Variants in TBCK observed in about 807,000 individuals in gnomAD.
TBCK encodes TBC1 domain containing kinase.
A neutral mutation model predicts 113.4 loss-of-function variants in TBCK; 99 were observed. The ratio of observed to expected loss-of-function variants is 0.87; its 90% CI spans 0.74 to 1.03. The LOEUF (loss-of-function observed/expected upper bound fraction) is 1.03, where lower values mean the gene tolerates loss of function less well. Among genes scored for constraint, TBCK ranks in the 50% least tolerant of loss-of-function variants. The pLI, the probability that TBCK is intolerant of heterozygous loss-of-function variation, is 0.00. For missense variants in TBCK, 1,045 were observed against 1,061.3 expected (o/e 0.98, Z 0.21); for synonymous variants, 369 against 370.8 (o/e 1.00, Z 0.05).
rs867465138 is a variant in TBCK, at chr4:106,167,499, T to C, written c.2235+3596A>G. ...CTAGAAAAAGAACAGCAAATTAAGTTCAAAGTGAGTAGAAGAAAAATAAAA... is the reference window on the plus strand; with the variant it reads ...CTAGAAAAAGAACAGCAAATTAAGTCCAAAGTGAGTAGAAGAAAAATAAAA... On this transcript the variant is annotated intron_variant, in intron 23 of 25. Coordinates refer to ENST00000394708, the MANE Select transcript of TBCK (RefSeq NM_001163435.3). Among the ~76,000 whole-genome samples the C allele has an allele frequency of 1.9e-4, 28 of 150,858 alleles. 1 individual carries two copies. The highest frequency in any genetic ancestry group is 8.9e-5 in the Non-Finnish European group (6 of 67,462).
chr4:106,259,854 A>G (rs1579427833), intron 5 of TBCK, among the ~76,000 whole-genome samples: 1 of 151,974 alleles, frequency 6.6e-6, no homozygotes, highest in African/African-American at 2.4e-5. Flanking sequence ...CTACTTGAAT[A>G]TGCATGAAAC....
At chr4:106,210,350 A>C (rs1358545859) in intron 20 of TBCK, among the ~76,000 whole-genome samples, 1 of 152,168 alleles carries the variant, frequency 6.6e-6, no homozygotes, top group East Asian at 1.9e-4. Flanking sequence ...AGCAAGAGAA[A>C]CCAACACAAA....
chr4:106,185,790 C>G (rs758781841), intron 22 of TBCK, among the ~76,000 whole-genome samples: 1 of 151,946 alleles, frequency 6.6e-6, no homozygotes, highest in Non-Finnish European at 1.5e-5. Flanking sequence ...GGGTAGGTTG[C>G]GTGCTGCAGA....
chr4:106,203,164 G>C (rs1755074868), intron 20 of TBCK, among the ~76,000 whole-genome samples: 1 of 151,770 alleles, frequency 6.6e-6, no homozygotes, highest in East Asian at 1.9e-4. Context: ...AAATCAGCTA[G>C]AACCTATGAG....
intron 23 of TBCK, among the ~76,000 whole-genome samples, chr4:106,123,920 C>T (rs1578974415): frequency 1.3e-5 from 2 of 150,804 alleles, no homozygotes; most frequent in African/African-American, 4.9e-5. Context: ...CTAGGCATTA[C>T]CATTCAGGAC....
intron 25 of TBCK, among the ~76,000 whole-genome samples, chr4:106,073,564 A>T (rs1737773119): frequency 6.6e-6 from 1 of 152,208 alleles, no homozygotes; most frequent in Admixed American, 6.5e-5. Context: ...GTTAGGCTGC[A>T]CGGGTGTCAG....
chr4:106,305,571 G>A (rs1309343795), intron 2 of TBCK, among the ~76,000 whole-genome samples: 1 of 152,074 alleles, frequency 6.6e-6, no homozygotes, highest in Non-Finnish European at 1.5e-5. Context: ...CACCCAGGCT[G>A]GAGTGCAGTG....
intron 20 of TBCK, among the ~76,000 whole-genome samples, chr4:106,199,092 ATAAGAGCAG>A (rs1297130625): frequency 6.6e-6 from 1 of 152,178 alleles, no homozygotes; most frequent in Admixed American, 6.6e-5. Context: ...GGAACTTACA[ATAAGAGCAG>A]TAGATATTCA....
rs573880003 is a variant in TBCK, at chr4:106,291,968, G to A, written c.266+3126C>T. The stretch of plus-strand genomic sequence containing the variant: ...TTGCTTTTGTGCAATATATTTTTCA[G>A]GAGGATATGCATGAGGATATTTATG... On this transcript the variant is annotated intron_variant, in intron 3 of 25. Coordinates refer to ENST00000394708, the MANE Select transcript of TBCK (RefSeq NM_001163435.3). 1.1e-3 allele frequency among the ~76,000 whole-genome samples: 167 copies of A among 152,324 alleles called. No homozygotes were observed. The Middle Eastern group carries it at 0.014, about 12-fold the overall frequency.
intron 19 of TBCK, among the ~76,000 whole-genome samples, chr4:106,221,159 A>C (rs1390632336): frequency 6.6e-6 from 1 of 152,104 alleles, no homozygotes; most frequent in African/African-American, 2.4e-5. Flanking sequence ...TAATTTTTGT[A>C]TTTTTAGTAG....
At chr4:106,173,645 G>C (rs180860560) in intron 22 of TBCK, among the ~76,000 whole-genome samples, 8 of 152,188 alleles carry the variant, frequency 5.3e-5, no homozygotes, top group Admixed American at 2.6e-4. Context: ...GAATCTTGAT[G>C]ATGTACTGGC....
chr4:106,110,619 G>C (rs989223509), intron 24 of TBCK, among the ~76,000 whole-genome samples: 4 of 152,160 alleles, frequency 2.6e-5, no homozygotes, highest in African/African-American at 9.7e-5. Flanking sequence ...ACTAAACTTG[G>C]AGATCTGGGA....
chr4:106,292,883 T>C (rs571835539), intron 3 of TBCK, among the ~76,000 whole-genome samples: 1 of 152,302 alleles, frequency 6.6e-6, no homozygotes, highest in East Asian at 1.9e-4. Flanking sequence ...AGTTCGCAGA[T>C]AAAGTGGCTG....
intron 23 of TBCK, among the ~76,000 whole-genome samples, chr4:106,150,094 A>G (rs1162428668): frequency 6.6e-6 from 1 of 152,194 alleles, no homozygotes; most frequent in Non-Finnish European, 1.5e-5. Context: ...GACAGAATTA[A>G]AAGAGAGTTG....
chr4:106,198,654 T>C lies in TBCK; in HGVS notation c.1861-3900A>G, dbSNP rs188253073. On this transcript the variant is annotated intron_variant, in intron 20 of 25. Transcript: ENST00000394708. ...AATATAGTTGTATTATATATAATCA[T>C]GGTAATCATTTTTATATTATAATTA... is the stretch of plus-strand genomic sequence containing the variant. Among the ~76,000 whole-genome samples the C allele has an allele frequency of 9.2e-5, 14 of 152,284 alleles. No homozygotes were observed. The East Asian group carries it at 2.5e-3, about 27-fold the overall frequency.
intron 22 of TBCK, among the ~76,000 whole-genome samples, chr4:106,185,836 T>C (rs142465147): frequency 3.0e-4 from 46 of 152,246 alleles, no homozygotes; most frequent in African/African-American, 1.1e-3. Context: ...ACCCAGGTAA[T>C]TAGCATAGAA....
At chr4:106,070,530 G>A (rs1737277003) in intron 25 of TBCK, among the ~76,000 whole-genome samples, 1 of 152,032 alleles carries the variant, frequency 6.6e-6, no homozygotes. Context: ...ATATGCTGCT[G>A]GATTCAGTTT....
At chr4:106,073,109 A>G (rs1737686936) in intron 25 of TBCK, among the ~76,000 whole-genome samples, 1 of 152,080 alleles carries the variant, frequency 6.6e-6, no homozygotes, top group Admixed American at 6.6e-5. Flanking sequence ...TCAACTTGTC[A>G]AAGTCATTCT....
chr4:106,183,674 T>C (rs912682379), intron 22 of TBCK, among the ~76,000 whole-genome samples: 1 of 152,104 alleles, frequency 6.6e-6, no homozygotes, highest in African/African-American at 2.4e-5. Flanking sequence ...GTTCACACAA[T>C]TTGTATGCTT....
Sources: allele counts gnomAD v4.1 joint callset (sites outside exome capture counted in the v4.1 genomes callset), GRCh38; gene constraint gnomAD v4.1.1; transcripts MANE v1.5; gene names NCBI Gene and HGNC (gene_info 2026-07-23, HGNC 2026-07-21).